JAKMIP1: variants seen among roughly 807,000 people sequenced by gnomAD.
JAKMIP1 encodes janus kinase and microtubule-interacting protein 1.
A neutral mutation model predicts 113.0 loss-of-function variants in JAKMIP1; 33 were observed. That is an observed-to-expected ratio of 0.29 (90% confidence interval 0.22 to 0.39). The LOEUF (loss-of-function observed/expected upper bound fraction) is 0.39, where lower values mean the gene tolerates loss of function less well. Ranked by LOEUF, JAKMIP1 falls within the 10% of genes least tolerant of loss-of-function variation. The probability of loss-of-function intolerance (pLI) is 1.00; values close to 1 mark genes in which losing one functional copy is unlikely to be tolerated. For missense variants in JAKMIP1, 813 were observed against 1,080.5 expected, an observed-to-expected ratio of 0.75 and a Z score of 3.47; for synonymous variants, 480 against 459.9, an observed-to-expected ratio of 1.04 and a Z score of -0.56.
In JAKMIP1 at chr4:6,080,411, A is replaced by T; in HGVS notation, c.1102-99T>A. 2.2e-6 allele frequency: 3 copies of T among 1,384,660 alleles called. No individual in the cohort carries two copies. The highest frequency in any genetic ancestry group is 2.8e-5 in the South Asian group (2 of 71,794). The allele number at this position is 1,384,660 out of a possible 1,614,324, so 85.8% of individuals were successfully genotyped here. A position where few individuals can be genotyped will look rare whatever the true frequency, so the allele number is the denominator to read the frequency against. Reference sequence around the variant, plus strand: ...AGCTCAGGGGTGCAGGGACAGAAGGATGGATGGGAGGATGAAAGAGATGAT... The same window carrying T: ...AGCTCAGGGGTGCAGGGACAGAAGGTTGGATGGGAGGATGAAAGAGATGAT... On this transcript the variant is annotated intron_variant, in intron 6 of 20. Coordinates refer to ENST00000409021, the MANE Select transcript of JAKMIP1 (RefSeq NM_001099433.2). The surrounding 1 kb of genome is among the most constrained non-coding windows in gnomAD (Gnocchi z 6.0).
At chr4:6,057,498 C>T (rs910932588) in intron 11 of JAKMIP1, among the ~76,000 whole-genome samples, 8 of 152,178 alleles carry the variant, frequency 5.3e-5, no homozygotes, top group Non-Finnish European at 8.8e-5. Flanking sequence ...ACATGGAATG[C>T]ACAGAAGAGG....
intron 2 of JAKMIP1, among the ~76,000 whole-genome samples, chr4:6,107,110 G>A (rs1297712001): frequency 1.3e-5 from 2 of 152,282 alleles, no homozygotes; most frequent in African/African-American, 2.4e-5. Flanking sequence ...GAAGCCAGGC[G>A]ACCAGTCCAT....
At chr4:6,126,953 T>C (rs1173765843) in intron 1 of JAKMIP1, among the ~76,000 whole-genome samples, 2 of 148,722 alleles carry the variant, frequency 1.3e-5, no homozygotes, top group Non-Finnish European at 3.0e-5. Context: ...CATACTCCCA[T>C]ACAACACACA....
rs770309550 is a variant in JAKMIP1, at chr4:6,080,142, G to A, written c.1242+30C>T. 4 of 1,557,164 alleles carry A rather than the reference G, an allele frequency of 2.6e-6. No individual in the cohort carries two copies. Among genetic ancestry groups the A allele is most frequent in the Non-Finnish European group, 8.7e-7 (1 of 1,149,996 alleles). ...TGTCAGCTGGTGCCACCCCTGCCAG[G>A]GGCAGCCGCGCCAGCTGTGCTAGAT... On this transcript the variant is annotated intron_variant, in intron 7 of 20. Coordinates refer to ENST00000409021, the MANE Select transcript of JAKMIP1 (RefSeq NM_001099433.2). This position sits in a 1 kb window ranked among gnomAD's most constrained non-coding sequence, Gnocchi z 6.0.
At position 6,139,919 on chromosome 4, in the gene JAKMIP1, C is replaced by G. The variant is rs1719861177; in HGVS notation, c.-147-26922G>C. 6.6e-6 allele frequency among the ~76,000 whole-genome samples: 1 copy of G among 152,156 alleles called. No homozygotes were observed. Among genetic ancestry groups the G allele is most frequent in the African/African-American group, 2.4e-5 (1 of 41,396 alleles). On this transcript the variant is annotated intron_variant, in intron 1 of 20. Transcript: ENST00000409021. The surrounding 1 kb of genome is among the most constrained non-coding windows in gnomAD (Gnocchi z 5.2). ...AATACCAAGGACTGCCACCAAAGCA[C>G]AGGAAGCCAGGGGAGAGGCCTGGGG...
rs988334887 is a variant in JAKMIP1, at chr4:6,138,376, T to C, written c.-147-25379A>G. ...GATTCTCCTGCCTCAGCTTTCCAAGTAGCTGGGATTACACCACACCTGGCT... is the reference window on the plus strand; with the variant it reads ...GATTCTCCTGCCTCAGCTTTCCAAGCAGCTGGGATTACACCACACCTGGCT... On this transcript the variant is annotated intron_variant, in intron 1 of 20. Transcript: ENST00000409021. The surrounding 1 kb of genome is among the most constrained non-coding windows in gnomAD (Gnocchi z 6.0). Among the ~76,000 whole-genome samples, 3 of 152,072 alleles carry C rather than the reference T, an allele frequency of 2.0e-5. No individual in the cohort carries two copies. Among genetic ancestry groups the C allele is most frequent in the Non-Finnish European group, 4.4e-5 (3 of 67,998 alleles).
Position 6,154,157 on chromosome 4 carries a change from A to G in JAKMIP1, c.-147-41160T>C, listed in dbSNP as rs1721948163. ...GCTGATAAACCCTGCACTCAGGGAG[A>G]CACTGACCCTCGCAGGAGGGAAGAC... On this transcript the variant is annotated intron_variant, in intron 1 of 20. Coordinates refer to ENST00000409021, the MANE Select transcript of JAKMIP1 (RefSeq NM_001099433.2). This position sits in a 1 kb window ranked among gnomAD's most constrained non-coding sequence, Gnocchi z 4.2. Among the ~76,000 whole-genome samples the G allele has an allele frequency of 6.6e-6, 1 of 152,228 alleles. No homozygotes were observed. The highest frequency in any genetic ancestry group is 2.4e-5 in the African/African-American group (1 of 41,452).
chr4:6,197,982 C>T lies in JAKMIP1; in HGVS notation c.-148+2271G>A, dbSNP rs1054494715. 1.3e-5 allele frequency among the ~76,000 whole-genome samples: 2 copies of T among 152,194 alleles called. No homozygotes were observed. The highest frequency in any genetic ancestry group is 1.9e-4 in the East Asian group (1 of 5,192). On this transcript the variant is annotated intron_variant, in intron 1 of 20. Coordinates refer to ENST00000409021, the MANE Select transcript of JAKMIP1 (RefSeq NM_001099433.2). This position sits in a 1 kb window ranked among gnomAD's most constrained non-coding sequence, Gnocchi z 6.5. ...GCCTTCCTGGCCGGGCCGCCTGTCC[C>T]CATCTCTCCCTGCACATGACTCTCT...
intron 1 of JAKMIP1, among the ~76,000 whole-genome samples, chr4:6,189,348 T>G (rs188815369): frequency 2.9e-4 from 44 of 152,312 alleles, no homozygotes; most frequent in African/African-American, 7.9e-4. Flanking sequence ...GATACAACAA[T>G]CAGGGGTATT....
In JAKMIP1 at chr4:6,076,949, A is replaced by G. The variant is rs1719774503; in HGVS notation, c.1302+1990T>C. 6.6e-6 allele frequency among the ~76,000 whole-genome samples: 1 copy of G among 152,162 alleles called. No homozygotes were observed. Among genetic ancestry groups the G allele is most frequent in the Admixed American group, 6.5e-5 (1 of 15,278 alleles). ...CCCTGGCCTCATGTTGGTGCTGAGA[A>G]AGTTTCAGATTTTGGAGCATTTTGG... On this transcript the variant is annotated intron_variant, in intron 8 of 20. Transcript: ENST00000409021. This position sits in a 1 kb window ranked among gnomAD's most constrained non-coding sequence, Gnocchi z 4.8.
chr4:6,098,188 C>G (rs534399776), intron 3 of JAKMIP1, among the ~76,000 whole-genome samples: 82 of 152,272 alleles, frequency 5.4e-4, no homozygotes, highest in African/African-American at 1.7e-3. Flanking sequence ...CCCAGCACTT[C>G]GGGATGCCAA....
chr4:6,107,515 C>T (rs546785851), intron 2 of JAKMIP1, among the ~76,000 whole-genome samples: 11 of 152,266 alleles, frequency 7.2e-5, no homozygotes, highest in East Asian at 3.9e-4. Flanking sequence ...GGGTGAAGCA[C>T]GGTGCCTTCC....
At chr4:6,092,951 C>T (rs2108846087) in intron 3 of JAKMIP1, among the ~76,000 whole-genome samples, 1 of 152,288 alleles carries the variant, frequency 6.6e-6, no homozygotes, top group South Asian at 2.1e-4. Flanking sequence ...AATAAAGTCT[C>T]CAGTACTTGA....
Position 6,153,130 on chromosome 4 carries a change from T to G in JAKMIP1, c.-147-40133A>C, listed in dbSNP as rs1721814953. Among the ~76,000 whole-genome samples, 1 of 152,034 alleles carries G rather than the reference T, an allele frequency of 6.6e-6. No individual in the cohort carries two copies. Among genetic ancestry groups the G allele is most frequent in the Non-Finnish European group, 1.5e-5 (1 of 67,994 alleles). On this transcript the variant is annotated intron_variant, in intron 1 of 20. Coordinates refer to ENST00000409021, the MANE Select transcript of JAKMIP1 (RefSeq NM_001099433.2). The surrounding 1 kb of genome is among the most constrained non-coding windows in gnomAD (Gnocchi z 4.9). ...GAAGACTACACAGGCAGATTCACACTTGCCAGCCAAGGCTTCAAAATCAAG... is the reference window on the plus strand; with the variant it reads ...GAAGACTACACAGGCAGATTCACACGTGCCAGCCAAGGCTTCAAAATCAAG...
rs1208777386 is a variant in JAKMIP1 at position 6,179,964 on chromosome 4, T to C, written c.-148+20289A>G. On this transcript the variant is annotated intron_variant, in intron 1 of 20. Coordinates refer to ENST00000409021, the MANE Select transcript of JAKMIP1 (RefSeq NM_001099433.2). This position sits in a 1 kb window ranked among gnomAD's most constrained non-coding sequence, Gnocchi z 4.5. Reference sequence around the variant, plus strand: ...CCAGCTGCCCAAAGAACTGTGTCTGTTTTGTTTTCTATCCCTAGGACCAGC... The same window carrying C: ...CCAGCTGCCCAAAGAACTGTGTCTGCTTTGTTTTCTATCCCTAGGACCAGC... Among the ~76,000 whole-genome samples the C allele has an allele frequency of 6.6e-6, 1 of 152,196 alleles. No individual in the cohort carries two copies. The highest frequency in any genetic ancestry group is 1.5e-5 in the Non-Finnish European group (1 of 68,026).
intron 11 of JAKMIP1, among the ~76,000 whole-genome samples, chr4:6,058,172 G>A (rs1048498674): frequency 5.9e-5 from 9 of 152,242 alleles, no homozygotes; most frequent in Non-Finnish European, 1.2e-4. Flanking sequence ...GGCAGAGCAG[G>A]CCACACAGAG....
chr4:6,106,062 C>A lies in JAKMIP1; in HGVS notation c.130-95G>T. 1 of 831,960 alleles carries A rather than the reference C, an allele frequency of 1.2e-6. No individual in the cohort carries two copies. The highest frequency in any genetic ancestry group is 1.8e-6 in the Non-Finnish European group (1 of 541,806). The allele number at this position is 831,960 out of a possible 1,614,324, so 51.5% of individuals were successfully genotyped here. A position where few individuals can be genotyped will look rare whatever the true frequency, so the allele number is the denominator to read the frequency against. ...CTGGGGGAGCTGGCCACAGCCTCCC[C>A]ACGCCCAAGACACCCACCTGGGCCC... On this transcript the variant is annotated intron_variant, in intron 2 of 20. Coordinates refer to ENST00000409021, the MANE Select transcript of JAKMIP1 (RefSeq NM_001099433.2). This position sits in a 1 kb window ranked among gnomAD's most constrained non-coding sequence, Gnocchi z 5.9.
At chr4:6,083,313 G>A (rs1382822925) in intron 5 of JAKMIP1, among the ~76,000 whole-genome samples, 3 of 150,188 alleles carry the variant, frequency 2.0e-5, no homozygotes, top group Non-Finnish European at 4.4e-5. Flanking sequence ...TGAGGCAGGA[G>A]AATCACTTGA....
chr4:6,080,466 C>A lies in JAKMIP1; in HGVS notation c.1102-154G>T, dbSNP rs907337129. Among the ~76,000 whole-genome samples, 8 of 152,044 alleles carry A rather than the reference C, an allele frequency of 5.3e-5. No individual in the cohort carries two copies. Among genetic ancestry groups the A allele is most frequent in the African/African-American group, 1.9e-4 (8 of 41,390 alleles). ...TGATATGGTTTGGCTGTGTCCCCAC[C>A]CAAATCTCATCTTGAATTGCGGCTC... On this transcript the variant is annotated intron_variant, in intron 6 of 20. Transcript: ENST00000409021. The surrounding 1 kb of genome is among the most constrained non-coding windows in gnomAD (Gnocchi z 6.0).
Sources: allele counts gnomAD v4.1 joint callset (sites outside exome capture counted in the v4.1 genomes callset), GRCh38; gene constraint gnomAD v4.1.1; non-coding constraint Gnocchi (gnomAD v3.1); transcripts MANE v1.5; gene names NCBI Gene and HGNC (gene_info 2026-07-23, HGNC 2026-07-21).